Variants in CLMN observed in about 807,000 individuals in gnomAD.
CLMN encodes calmin (calponin-like, transmembrane).
Under a neutral mutation model 92.7 loss-of-function variants are expected in CLMN, and 57 were observed. The ratio of observed to expected loss-of-function variants is 0.61; its 90% CI spans 0.50 to 0.77. The LOEUF is 0.77. CLMN is among the 30% of genes least tolerant of loss of function. The pLI is 0.00. For synonymous variants in CLMN, 466 were observed against 470.6 expected, an observed-to-expected ratio of 0.99 and a Z score of 0.13; for missense variants, 1,158 against 1,237.5, an observed-to-expected ratio of 0.94 and a Z score of 0.96.
intron 1 of CLMN, among the ~76,000 whole-genome samples, chr14:95,254,184 T>C (rs1216081983): frequency 6.6e-6 from 1 of 152,062 alleles, no homozygotes; most frequent in African/African-American, 2.4e-5. Context: ...CATCGTGCAG[T>C]TGTGAGGATG....
At chr14:95,253,448 G>A (rs796456387) in intron 1 of CLMN, among the ~76,000 whole-genome samples, 23 of 151,230 alleles carry the variant, frequency 1.5e-4, no homozygotes, top group African/African-American at 5.2e-4. Flanking sequence ...CAGGAAGGAC[G>A]GCTCATTCAC....
At chr14:95,260,456 AATGG>A (rs1315692475) in intron 1 of CLMN, 1 of 151,376 alleles carries the variant, frequency 6.6e-6, no homozygotes, top group Non-Finnish European at 1.5e-5. Context: ...AAAAAAAAAG[AATGG>A]ATCCAACAAA....
At chr14:95,213,515 G>T (rs1057311888) in intron 5 of CLMN, 106 bp from the exon 6 acceptor site, 7 of 1,031,624 alleles carry the variant, frequency 6.8e-6, no homozygotes, top group Admixed American at 2.9e-5. Flanking sequence ...GACCGGCTCA[G>T]GCAGGATTGC....
chr14:95,191,979 G>A lies in CLMN; in HGVS notation c.2841-247C>T. 1 of 375,308 alleles carries A rather than the reference G, an allele frequency of 2.7e-6. No individual in the cohort carries two copies. The highest frequency in any genetic ancestry group is 4.3e-5 in the East Asian group (1 of 22,998). 23.2% of individuals were successfully genotyped at this position (375,308 alleles called of 1,614,324 possible). ...TCTCCATAACATCAGGTGAGAGGAGGTGGCAGCCCCATTCTGCAGATGGAC... is the reference window on the plus strand; with the variant it reads ...TCTCCATAACATCAGGTGAGAGGAGATGGCAGCCCCATTCTGCAGATGGAC... On this transcript the variant is annotated intron_variant, in intron 12 of 12. Transcript: ENST00000298912. This position sits in a 1 kb window ranked among gnomAD's most constrained non-coding sequence, Gnocchi z 5.3.
intron 1 of CLMN, among the ~76,000 whole-genome samples, chr14:95,245,473 C>T (rs192262400): frequency 5.5e-5 from 8 of 146,334 alleles, no homozygotes; most frequent in Admixed American, 1.4e-4. Context: ...GATGGATGGA[C>T]GGATGGATGG....
intron 1 of CLMN, among the ~76,000 whole-genome samples, chr14:95,258,002 T>C (rs1364827608): frequency 6.6e-6 from 1 of 151,920 alleles, no homozygotes; most frequent in African/African-American, 2.4e-5. Context: ...GTGTGTGGTG[T>C]GTGTACATGT....
chr14:95,317,110 G>A (rs1369838310), intron 1 of CLMN, among the ~76,000 whole-genome samples: 1 of 152,162 alleles, frequency 6.6e-6, no homozygotes, highest in Non-Finnish European at 1.5e-5. Context: ...CCCCAAAGTC[G>A]ATCATCCAGG....
In CLMN at chr14:95,194,497, C is replaced by G. The variant is rs1566856761; in HGVS notation, c.2769+39G>C. ...GGAAGGATGGAAAGGAATTGATTAG[C>G]AGGGGCCGTGCGGAAAGAGAAGAAA... On this transcript the variant is annotated intron_variant, in intron 11 of 12. Coordinates refer to ENST00000298912, the MANE Select transcript of CLMN (RefSeq NM_024734.4). The surrounding 1 kb of genome is among the most constrained non-coding windows in gnomAD (Gnocchi z 4.0). The G allele has an allele frequency of 5.0e-6, 8 of 1,613,850 alleles. No individual in the cohort carries two copies. The South Asian group carries it at 8.8e-5, about 18-fold the overall frequency.
At chr14:95,306,652 C>T in intron 1 of CLMN, among the ~76,000 whole-genome samples, 1 of 152,200 alleles carries the variant, frequency 6.6e-6, no homozygotes, top group East Asian at 1.9e-4. Flanking sequence ...CCACGACCAA[C>T]AGCAACAGCA....
intron 1 of CLMN, among the ~76,000 whole-genome samples, chr14:95,305,392 G>A (rs1901236252): frequency 6.6e-6 from 1 of 152,216 alleles, no homozygotes; most frequent in Admixed American, 6.5e-5. Flanking sequence ...CAGCACGTAT[G>A]AGAAGATGAT....
chr14:95,236,289 C>G (rs992097627), intron 1 of CLMN, among the ~76,000 whole-genome samples: 1 of 152,144 alleles, frequency 6.6e-6, no homozygotes, highest in Admixed American at 6.5e-5. Context: ...GGCATGTGCT[C>G]TTCAGCCAGG....
At chr14:95,314,934 A>G (rs914124457) in intron 1 of CLMN, among the ~76,000 whole-genome samples, 1 of 152,138 alleles carries the variant, frequency 6.6e-6, no homozygotes, top group Non-Finnish European at 1.5e-5. Flanking sequence ...TTGGGTTTTT[A>G]TATAGAAACC....
intron 1 of CLMN, among the ~76,000 whole-genome samples, chr14:95,270,866 A>G (rs796256854): frequency 4.6e-5 from 7 of 152,310 alleles, no homozygotes; most frequent in African/African-American, 1.7e-4. Context: ...TGGTAATGGT[A>G]TGTGTGACAT....
chr14:95,203,257 C>G lies in CLMN; in HGVS notation c.2092G>C (p.Glu698Gln). The G allele has an allele frequency of 6.2e-7, 1 of 1,614,020 alleles. No homozygotes were observed. The highest frequency in any genetic ancestry group is 1.1e-5 in the South Asian group (1 of 91,076). The change falls in exon 9 of 13, where the codon GAG becomes CAG. Residue 698 changes from glutamate to glutamine, a missense_variant. Physicochemically the swap from Glu to Gln is conservative, Grantham distance 29 (BLOSUM62 2). Transcript: ENST00000298912. The stretch of plus-strand genomic sequence containing the variant: ...TCTTCGCTGTGACTCCCAAGGGTCT[C>G]CAAGCTGACACAGCTGCTTGGGGGG... ...SSPPSSCVSL[E>Q]TLGSHSEEGL...
At chr14:95,260,402 A>T (rs1899203304) in intron 1 of CLMN, 1 of 152,018 alleles carries the variant, frequency 6.6e-6, no homozygotes, top group South Asian at 2.1e-4. Context: ...AGATGGCGCC[A>T]CTGCACTCCA....
At chr14:95,274,367 G>A (rs139316253) in intron 1 of CLMN, among the ~76,000 whole-genome samples, 338 of 152,214 alleles carry the variant, frequency 2.2e-3, no homozygotes, top group African/African-American at 7.8e-3. Flanking sequence ...AGCACACGAA[G>A]TCAGGAGGTA....
chr14:95,305,031 T>C (rs1258438855), intron 1 of CLMN, among the ~76,000 whole-genome samples: 4 of 152,164 alleles, frequency 2.6e-5, no homozygotes, highest in Non-Finnish European at 5.9e-5. Flanking sequence ...CCAAGGACTA[T>C]AAGGCAGCTA....
intron 1 of CLMN, among the ~76,000 whole-genome samples, chr14:95,255,928 T>C (rs927661071): frequency 6.6e-6 from 1 of 152,210 alleles, no homozygotes; most frequent in East Asian, 1.9e-4. Context: ...TACCATGTTA[T>C]AGCAGAACTG....
intron 1 of CLMN, among the ~76,000 whole-genome samples, chr14:95,242,142 T>C (rs1474145311): frequency 2.1e-5 from 3 of 145,398 alleles, no homozygotes; most frequent in Non-Finnish European, 4.4e-5. Flanking sequence ...GATGGTCATC[T>C]GGGGAAATTT....
Sources: gnomAD v4.1 joint callset for allele counts (sites outside exome capture counted in the v4.1 genomes callset) on GRCh38, gnomAD v4.1.1 for gene constraint, Gnocchi (gnomAD v3.1) non-coding constraint, MANE v1.5 for transcripts, NCBI Gene and HGNC (gene_info 2026-07-23, HGNC 2026-07-21) for gene names.